Variants in USP30 observed in about 807,000 individuals in gnomAD.
The protein encoded by USP30 is ubiquitin specific peptidase 30, also known as ubiquitin carboxyl-terminal hydrolase 30.
A neutral mutation model predicts 68.2 loss-of-function variants in USP30; 41 were observed. The observed-to-expected ratio is 0.60, with a 90% CI of 0.47 to 0.78. The LOEUF (loss-of-function observed/expected upper bound fraction) is 0.78. Among genes scored for constraint, USP30 ranks in the 30% least tolerant of loss-of-function variants. The probability of loss-of-function intolerance (pLI) is 0.00; values close to 1 mark genes in which losing one functional copy is unlikely to be tolerated. For synonymous variants in USP30, 229 were observed against 253.7 expected, an observed-to-expected ratio of 0.90 and a Z score of 0.93; for missense variants, 522 against 649.4, an observed-to-expected ratio of 0.80 and a Z score of 2.13.
intron 3 of USP30, among the ~76,000 whole-genome samples, chr12:109,060,921 C>T (rs142562945): frequency 1.3e-5 from 2 of 152,290 alleles, no homozygotes; most frequent in East Asian, 1.9e-4. Flanking sequence ...GTTGGGATTA[C>T]AGGCGTGAGC....
In USP30 at chr12:109,068,181, A is replaced by G. The variant is rs189071394; in HGVS notation, c.480+554A>G. Among the ~76,000 whole-genome samples, 107 of 152,306 alleles carry G rather than the reference A, an allele frequency of 7.0e-4. No individual in the cohort carries two copies. The East Asian group carries it at 0.018, about 26-fold the overall frequency. On this transcript the variant is annotated intron_variant, in intron 4 of 12. Transcript: ENST00000257548. ...CCTCCCCGCCAGACCGCTGTTACCA[A>G]CAGCAAGTCTGAAGCAGAGGCCAAG... is the stretch of plus-strand genomic sequence containing the variant.
chr12:109,030,263 G>A (rs2040471440), intron 3 of USP30, among the ~76,000 whole-genome samples: 1 of 152,122 alleles, frequency 6.6e-6, no homozygotes, highest in Admixed American at 6.6e-5. Context: ...TTGAGTCTCA[G>A]TTGCATCATC....
At chr12:109,026,580 C>T (rs1202786400) in intron 2 of USP30, among the ~76,000 whole-genome samples, 1 of 151,888 alleles carries the variant, frequency 6.6e-6, no homozygotes, top group Non-Finnish European at 1.5e-5. Context: ...CCACCTCAGC[C>T]TCCTGAGTAG....
At chr12:109,030,562 A>G (rs1298475943) in intron 3 of USP30, among the ~76,000 whole-genome samples, 1 of 152,146 alleles carries the variant, frequency 6.6e-6, no homozygotes, top group African/African-American at 2.4e-5. Context: ...AATTTCTTAA[A>G]AGGGTAGATT....
At chr12:109,055,420 T>TTTTTTTTTG (rs2040837833) in intron 1 of USP30, among the ~76,000 whole-genome samples, 1 of 52,954 alleles carries the variant, frequency 1.9e-5, no homozygotes, top group African/African-American at 4.2e-5. Context: ...TTTTTTTTTT[T>TTTTTTTTTG]GAGGCAGAGT....
chr12:109,054,691 A>G (rs1194387540), intron 1 of USP30: 1 of 152,236 alleles, frequency 6.6e-6, no homozygotes, highest in African/African-American at 2.4e-5. Context: ...CCTATGAGGT[A>G]GGTCTTATGG....
intron 3 of USP30, among the ~76,000 whole-genome samples, chr12:109,040,745 C>T (rs914784929): frequency 2.0e-5 from 3 of 152,230 alleles, no homozygotes; most frequent in African/African-American, 7.2e-5. Flanking sequence ...GCCTGGGCAT[C>T]TTCACAACAT....
intron 7 of USP30, among the ~76,000 whole-genome samples, chr12:109,074,947 T>C (rs369480328): frequency 2.0e-5 from 3 of 152,236 alleles, no homozygotes; most frequent in Non-Finnish European, 4.4e-5. Context: ...AGATTCCATA[T>C]AGGTATGAGA....
Position 109,067,603 on chromosome 12 carries a change from G to A in USP30, c.456G>A (p.Trp152Ter). ...TGGATGTCTTAAGAATGTACAGATG[G>A]CAGATCTCATCATTTGAAGAACAGG... ...CLLDVLRMYRWQISSFEEQDA... is the reference protein window; with the variant it reads ...CLLDVLRMYR Residue 152 changes from tryptophan (W) to a stop codon, truncating the protein, a stop_gained, in exon 4 of 13, where the codon TGG becomes TGA. Coordinates refer to ENST00000257548, the MANE Select transcript of USP30 (RefSeq NM_032663.5). LOFTEE classifies it high-confidence loss of function. 6.2e-7 allele frequency: 1 copy of A among 1,614,022 alleles called. No homozygotes were observed. The highest frequency in any genetic ancestry group is 1.1e-5 in the South Asian group (1 of 91,072).
chr12:109,081,431 AG>A, intron 8 of USP30, 38 bp downstream of exon 8: 1 of 1,608,658 alleles, frequency 6.2e-7, no homozygotes, highest in Non-Finnish European at 8.5e-7. Context: ...AGTCTGTTTC[AG>A]AAACATTTCA....
At chr12:109,024,651 G>T (rs879437351) in intron 1 of USP30, among the ~76,000 whole-genome samples, 1 of 151,104 alleles carries the variant, frequency 6.6e-6, no homozygotes, top group East Asian at 1.9e-4. Flanking sequence ...ACCGAGTCTC[G>T]CTCTGTCTCC....
chr12:109,078,586 G>T (rs1331801009), intron 7 of USP30, among the ~76,000 whole-genome samples: 2 of 149,546 alleles, frequency 1.3e-5, no homozygotes, highest in Non-Finnish European at 3.0e-5. Context: ...GCGACAAAGC[G>T]AGACTCCATC....
At chr12:109,064,180 T>A (rs2041170666) in intron 3 of USP30, among the ~76,000 whole-genome samples, 1 of 151,998 alleles carries the variant, frequency 6.6e-6, no homozygotes, top group Admixed American at 6.6e-5. Flanking sequence ...CATTGTTTGG[T>A]TTTTTGTTGT....
At chr12:109,052,948 C>T in intron 1 of USP30, 187 bp downstream of exon 1, 4 of 492,096 alleles carry the variant, frequency 8.1e-6, no homozygotes, top group East Asian at 3.6e-5. Context: ...TCCAGTCCTT[C>T]GGCAACACCA....
intron 3 of USP30, among the ~76,000 whole-genome samples, chr12:109,028,610 T>G (rs919504858): frequency 1.3e-5 from 2 of 152,120 alleles, no homozygotes; most frequent in African/African-American, 4.8e-5. Context: ...TCTGAGTAGC[T>G]GAGATTACAG....
upstream of USP30, among the ~76,000 whole-genome samples, chr12:109,048,478 A>G (rs1008797911): frequency 4.6e-5 from 7 of 151,660 alleles, no homozygotes; most frequent in Non-Finnish European, 7.4e-5. Context: ...ACCAAGGGCC[A>G]GGGGGTCACT....
chr12:109,040,068 TG>T (rs879710910), intron 3 of USP30, among the ~76,000 whole-genome samples: 2 of 152,174 alleles, frequency 1.3e-5, no homozygotes, highest in African/African-American at 2.4e-5. Flanking sequence ...AGAAAAATAT[TG>T]TTTTTTTTCT....
intron 3 of USP30, among the ~76,000 whole-genome samples, chr12:109,035,796 C>T (rs923834211): frequency 3.3e-5 from 5 of 152,092 alleles, no homozygotes; most frequent in African/African-American, 1.2e-4. Flanking sequence ...CATTGTGTGC[C>T]CATCAGCATA....
At chr12:109,036,667 T>C (rs1055969687) in intron 3 of USP30, among the ~76,000 whole-genome samples, 2 of 152,182 alleles carry the variant, frequency 1.3e-5, no homozygotes. Flanking sequence ...TCTTAATTCC[T>C]CCTTCATTTT....
Sources: gnomAD v4.1 joint callset for allele counts (sites outside exome capture counted in the v4.1 genomes callset) on GRCh38, gnomAD v4.1.1 for gene constraint, MANE v1.5 for transcripts, NCBI Gene and HGNC (gene_info 2026-07-23, HGNC 2026-07-21) for gene names.